Variants in XKR3 observed in about 807,000 individuals in gnomAD.
XKR3 encodes XK-related protein 3.
In XKR3, 27 loss-of-function variants were observed where a neutral mutation model predicts 40.3. The observed-to-expected ratio is 0.67, with a 90% CI of 0.49 to 0.92. The LOEUF (loss-of-function observed/expected upper bound fraction) is 0.92, where lower values mean the gene tolerates loss of function less well. Among genes scored for constraint, XKR3 ranks in the 40% least tolerant of loss-of-function variants. XKR3 has a pLI of 0.00. For synonymous variants in XKR3, 193 were observed against 195.4 expected (o/e 0.99, Z 0.10); for missense variants, 472 against 537.6 (o/e 0.88, Z 1.21).
chr22:16,801,679 C>A, intron 2 of XKR3, among the ~76,000 whole-genome samples: 1 of 147,408 alleles, frequency 6.8e-6, no homozygotes. Flanking sequence ...GAAATAAAAG[C>A]TATCAGCAAA....
chr22:16,803,162 C>T (rs964829168), intron 2 of XKR3, among the ~76,000 whole-genome samples: 1 of 152,010 alleles, frequency 6.6e-6, no homozygotes, highest in African/African-American at 2.4e-5. Flanking sequence ...AATTACCTTT[C>T]CACTTTTGCA....
intron 3 of XKR3, among the ~76,000 whole-genome samples, chr22:16,790,033 G>A (rs2060107361): frequency 6.6e-6 from 1 of 152,110 alleles, no homozygotes; most frequent in Non-Finnish European, 1.5e-5. Context: ...CAGCTACTCT[G>A]GGGTCTGAGT....
At chr22:16,806,283 A>G (rs912832823) in intron 2 of XKR3, among the ~76,000 whole-genome samples, 1 of 120,540 alleles carries the variant, frequency 8.3e-6, no homozygotes, top group African/African-American at 3.4e-5. Flanking sequence ...AAAAAAGTCA[A>G]TTAATCAATA....
At chr22:16,813,313 AC>A (rs200249661) in intron 1 of XKR3, among the ~76,000 whole-genome samples, 46 of 151,664 alleles carry the variant, frequency 3.0e-4, no homozygotes, top group African/African-American at 5.3e-4. Context: ...AAACAAACAA[AC>A]AAAAAAAAAC....
intron 1 of XKR3, among the ~76,000 whole-genome samples, chr22:16,822,831 C>CA (rs1337797655): frequency 1.3e-5 from 2 of 152,108 alleles, no homozygotes; most frequent in Non-Finnish European, 2.9e-5. Context: ...TGCTAACAAG[C>CA]ATATTAACTA....
At chr22:16,809,739 A>G (rs2060205199) in intron 1 of XKR3, among the ~76,000 whole-genome samples, 1 of 152,188 alleles carries the variant, frequency 6.6e-6, no homozygotes, top group African/African-American at 2.4e-5. Flanking sequence ...TTTGCCAAAT[A>G]TAATAGTTTT....
At chr22:16,816,912 T>G (rs926203844) in intron 1 of XKR3, among the ~76,000 whole-genome samples, 7 of 152,024 alleles carry the variant, frequency 4.6e-5, no homozygotes, top group Non-Finnish European at 8.8e-5. Flanking sequence ...AGTATAATTA[T>G]ATTCTCAATA....
intron 3 of XKR3, among the ~76,000 whole-genome samples, chr22:16,785,479 G>A (rs1290651985): frequency 6.6e-6 from 1 of 152,250 alleles, no homozygotes; most frequent in African/African-American, 2.4e-5. Flanking sequence ...CCAAAATTAT[G>A]AAGTAGTTGA....
rs2060090268 is a variant in XKR3 at position 16,786,221 on chromosome 22, G to A, written c.590-1812C>T. 2.0e-5 allele frequency among the ~76,000 whole-genome samples: 3 copies of A among 148,444 alleles called. No individual in the cohort carries two copies. In the Admixed American group the frequency reaches 2.0e-4, roughly 10 times the overall value. ...GCCCAGGAGTTCAAGATCAACCTGG[G>A]CAACATGGTGAAAACCTGTATCTAC... is the stretch of plus-strand genomic sequence containing the variant. On this transcript the variant is annotated intron_variant, in intron 3 of 3. Transcript: ENST00000684488.
intron 3 of XKR3, among the ~76,000 whole-genome samples, chr22:16,784,707 G>A (rs1449354763): frequency 6.6e-6 from 1 of 152,106 alleles, no homozygotes; most frequent in Non-Finnish European, 1.5e-5. Context: ...TAAAATGGAA[G>A]AGACACATTC....
chr22:16,811,988 G>A (rs538545956), intron 1 of XKR3, among the ~76,000 whole-genome samples: 42 of 152,176 alleles, frequency 2.8e-4, no homozygotes, highest in Admixed American at 2.4e-3. Context: ...CAGCCTGGGC[G>A]ACAGAGCAAG....
intron 1 of XKR3, among the ~76,000 whole-genome samples, 160 bp from the exon 2 acceptor site, chr22:16,808,243 G>C (rs750163203): frequency 6.6e-6 from 1 of 152,136 alleles, no homozygotes; most frequent in African/African-American, 2.4e-5. Flanking sequence ...CTGGTTTAGG[G>C]AATATTGAAC....
chr22:16,806,288 T>G (rs139529651), intron 2 of XKR3, among the ~76,000 whole-genome samples: 1 of 90,244 alleles, frequency 1.1e-5, no homozygotes, highest in African/African-American at 5.1e-5. Flanking sequence ...AGTCAATTAA[T>G]CAATACTTTC....
At chr22:16,788,073 C>A (rs2146140799) in intron 3 of XKR3, among the ~76,000 whole-genome samples, 1 of 152,216 alleles carries the variant, frequency 6.6e-6, no homozygotes, top group South Asian at 2.1e-4. Context: ...CTGGATATAT[C>A]ATACATTAGG....
At chr22:16,802,013 A>T (rs1185910211) in intron 2 of XKR3, among the ~76,000 whole-genome samples, 1 of 152,214 alleles carries the variant, frequency 6.6e-6, no homozygotes, top group African/African-American at 2.4e-5. Context: ...ACCATTCTTT[A>T]AACAAACAGA....
At chr22:16,824,981 AC>A (rs112639406) in intron 1 of XKR3, among the ~76,000 whole-genome samples, 1,932 of 152,336 alleles carry the variant, frequency 0.013, 28 homozygotes, top group African/African-American at 0.037. Flanking sequence ...CATCTGAATA[AC>A]AAAAAATATG....
chr22:16,810,221 G>A (rs1280994088), intron 1 of XKR3, among the ~76,000 whole-genome samples: 2 of 152,126 alleles, frequency 1.3e-5, no homozygotes, highest in East Asian at 1.9e-4. Flanking sequence ...ATAGGAGTCT[G>A]TTGTACATAT....
intron 3 of XKR3, among the ~76,000 whole-genome samples, chr22:16,793,716 A>C: frequency 6.6e-6 from 1 of 152,230 alleles, no homozygotes; most frequent in East Asian, 1.9e-4. Flanking sequence ...TGAATATCTA[A>C]AGTCAGCATG....
At chr22:16,793,938 G>A (rs930681791) in intron 3 of XKR3, among the ~76,000 whole-genome samples, 15 of 152,202 alleles carry the variant, frequency 9.9e-5, no homozygotes, top group African/African-American at 3.6e-4. Flanking sequence ...ACCAAGCTGA[G>A]GAAAGAATTT....
Sources: gnomAD v4.1 joint callset for allele counts (sites outside exome capture counted in the v4.1 genomes callset) on GRCh38, gnomAD v4.1.1 for gene constraint, MANE v1.5 for transcripts, NCBI Gene and HGNC (gene_info 2026-07-23, HGNC 2026-07-21) for gene names.